The following SKAP1 variants were observed in gnomAD, a reference collection of about 807,000 sequenced individuals.
The protein encoded by SKAP1 is src kinase-associated phosphoprotein 1.
In SKAP1, 44 loss-of-function variants were observed where a neutral mutation model predicts 58.5. The observed-to-expected ratio is 0.75, with a 90% confidence interval of 0.59 to 0.97. The LOEUF is 0.97. Among genes scored for constraint, SKAP1 ranks in the 50% least tolerant of loss-of-function variants. The pLI is 0.00. For synonymous variants in SKAP1, 127 were observed against 149.7 expected (o/e 0.85, Z 1.11); for missense variants, 390 against 435.2 (o/e 0.90, Z 0.92).
chr17:48,207,494 A>G (rs1465829278), intron 4 of SKAP1, among the ~76,000 whole-genome samples: 5 of 151,924 alleles, frequency 3.3e-5, no homozygotes, highest in Admixed American at 3.3e-4. Context: ...TCAAAAAAAA[A>G]AAAAAAAAGA....
intron 2 of SKAP1, 65 bp from the exon 3 acceptor site, chr17:48,363,879 C>T: frequency 7.2e-7 from 1 of 1,393,922 alleles, no homozygotes; most frequent in Non-Finnish European, 1.0e-6. Context: ...TTTGGTTGGC[C>T]TACCATAGCT....
intron 1 of SKAP1, among the ~76,000 whole-genome samples, chr17:48,401,748 C>G (rs1250291424): frequency 6.6e-6 from 1 of 151,302 alleles, no homozygotes; most frequent in Non-Finnish European, 1.5e-5. Context: ...AAAAAAAAAG[C>G]AACCAAATAC....
At chr17:48,149,024 A>G (rs556331404) in intron 11 of SKAP1, among the ~76,000 whole-genome samples, 1 of 152,286 alleles carries the variant, frequency 6.6e-6, no homozygotes, top group Admixed American at 6.5e-5. Context: ...CACATAGGGT[A>G]TGCTAGGGTG....
chr17:48,306,568 A>C (rs2066145034), intron 4 of SKAP1, among the ~76,000 whole-genome samples: 1 of 152,214 alleles, frequency 6.6e-6, no homozygotes, highest in South Asian at 2.1e-4. Context: ...CAAAACTGTA[A>C]TTCCTTATAA....
intron 4 of SKAP1, among the ~76,000 whole-genome samples, chr17:48,233,229 C>T (rs2065143064): frequency 6.6e-6 from 1 of 152,112 alleles, no homozygotes; most frequent in African/African-American, 2.4e-5. Flanking sequence ...TTCTGGATCT[C>T]ACATTTGAAA....
At chr17:48,348,195 C>T in intron 3 of SKAP1, among the ~76,000 whole-genome samples, 1 of 151,798 alleles carries the variant, frequency 6.6e-6, no homozygotes, top group African/African-American at 2.4e-5. Context: ...GAAAAATTAG[C>T]CAGGCATGGT....
rs36040913 is a variant in SKAP1, at chr17:48,240,734, C to G, written c.281-51234G>C. Among the ~76,000 whole-genome samples, 681 of 152,320 alleles carry G rather than the reference C, an allele frequency of 4.5e-3. 1 individual carries two copies. The highest frequency in any genetic ancestry group is 7.5e-3 in the Non-Finnish European group (507 of 68,024). ...TGGAGGGACATCAGAATGACCTAATCCTTGAAGCATGTGCCAGTTATCCCA... is the reference window on the plus strand; with the variant it reads ...TGGAGGGACATCAGAATGACCTAATGCTTGAAGCATGTGCCAGTTATCCCA... On this transcript the variant is annotated intron_variant, in intron 4 of 12. Coordinates refer to ENST00000336915, the MANE Select transcript of SKAP1 (RefSeq NM_003726.4).
chr17:48,341,545 C>T (rs374786675), intron 4 of SKAP1, among the ~76,000 whole-genome samples: 1 of 152,064 alleles, frequency 6.6e-6, no homozygotes, highest in Non-Finnish European at 1.5e-5. Flanking sequence ...CCAGAATATT[C>T]TCTATATTTT....
intron 6 of SKAP1, among the ~76,000 whole-genome samples, chr17:48,186,508 CAG>C (rs1487267628): frequency 6.6e-6 from 1 of 151,852 alleles, no homozygotes; most frequent in East Asian, 1.9e-4. Flanking sequence ...ATGGTTGAGA[CAG>C]AGTCTCGCTC....
chr17:48,360,731 G>A (rs1000272708), intron 3 of SKAP1, among the ~76,000 whole-genome samples: 9 of 152,002 alleles, frequency 5.9e-5, no homozygotes, highest in African/African-American at 2.2e-4. Context: ...TATTTTCCCT[G>A]TTTCCTTTTT....
At chr17:48,324,749 A>T (rs1567868516) in intron 4 of SKAP1, among the ~76,000 whole-genome samples, 1 of 152,240 alleles carries the variant, frequency 6.6e-6, no homozygotes, top group South Asian at 2.1e-4. Context: ...CTTGAATTAC[A>T]TTCCTAAAAG....
chr17:48,205,159 G>C (rs917008632), intron 4 of SKAP1, among the ~76,000 whole-genome samples: 4 of 150,060 alleles, frequency 2.7e-5, no homozygotes, highest in African/African-American at 9.8e-5. Context: ...GCCCAGGCTG[G>C]AGTGCAGTGG....
intron 2 of SKAP1, among the ~76,000 whole-genome samples, chr17:48,367,550 G>A (rs2067022477): frequency 7.3e-6 from 1 of 136,174 alleles, no homozygotes; most frequent in African/African-American, 2.8e-5. Context: ...ATATATATAT[G>A]GATATATATC....
At position 48,426,503 on chromosome 17, in the gene SKAP1, GGAA is replaced by G. The variant is rs1254958702; in HGVS notation, c.46+3569_46+3571del. Among the ~76,000 whole-genome samples, 3 of 152,196 alleles carry G rather than the reference GGAA, an allele frequency of 2.0e-5. No individual in the cohort carries two copies. In the East Asian group the frequency reaches 5.8e-4, roughly 29 times the overall value. ...TTCAAAAGCAGGGCTAGAAAGACCA[GGAA>G]GAAGAGACTGATTATGTTTATATCT... On this transcript the variant is annotated intron_variant, in intron 1 of 12. Transcript: ENST00000336915.
chr17:48,335,592 C>A (rs1468736309), intron 4 of SKAP1, among the ~76,000 whole-genome samples: 1 of 151,866 alleles, frequency 6.6e-6, no homozygotes, highest in Admixed American at 6.6e-5. Context: ...AGGAATGCTA[C>A]AATAATAAGT....
Position 48,274,388 on chromosome 17 carries a change from T to G in SKAP1, c.280+71517A>C, listed in dbSNP as rs139085609. Among the ~76,000 whole-genome samples the G allele has an allele frequency of 4.5e-3, 679 of 151,236 alleles. 5 individuals carry two copies. The highest frequency in any genetic ancestry group is 0.016 in the African/African-American group (642 of 41,178). On this transcript the variant is annotated intron_variant, in intron 4 of 12. Coordinates refer to ENST00000336915, the MANE Select transcript of SKAP1 (RefSeq NM_003726.4). ...TCCAGTCTGGGTTACAGAGTGAGAC[T>G]CTGCATCAAAAAAAAAAATTTTTTT...
chr17:48,408,572 A>G (rs1418605670), intron 1 of SKAP1, among the ~76,000 whole-genome samples: 1 of 152,220 alleles, frequency 6.6e-6, no homozygotes, highest in Admixed American at 6.5e-5. Flanking sequence ...CAAACTTAGT[A>G]ATACATTAAA....
chr17:48,246,858 T>A (rs1270861760), intron 4 of SKAP1, among the ~76,000 whole-genome samples: 1 of 152,252 alleles, frequency 6.6e-6, no homozygotes, highest in East Asian at 1.9e-4. Context: ...TCATCTCTCA[T>A]GTGCCTTTGA....
At chr17:48,156,407 A>G in intron 11 of SKAP1, 1 of 416,414 alleles carries the variant, frequency 2.4e-6, no homozygotes, top group South Asian at 2.0e-5. Flanking sequence ...CTCAGGAGCC[A>G]TTGGTTACGT....
Sources: gnomAD v4.1 joint callset for allele counts (sites outside exome capture counted in the v4.1 genomes callset) on GRCh38, gnomAD v4.1.1 for gene constraint, MANE v1.5 for transcripts, NCBI Gene and HGNC (gene_info 2026-07-23, HGNC 2026-07-21) for gene names.